The following PTPRN2 variants were observed in gnomAD, a reference collection of about 807,000 sequenced individuals.
The protein encoded by PTPRN2 is receptor-type tyrosine-protein phosphatase N2.
PTPRN2 carries 74 observed loss-of-function variants against 118.8 expected under a neutral mutation model. The ratio of observed to expected loss-of-function variants is 0.62; its 90% CI spans 0.52 to 0.76. The LOEUF is 0.76. Ranked by LOEUF, PTPRN2 falls within the 30% of genes least tolerant of loss-of-function variation. PTPRN2 has a pLI of 0.00. For synonymous variants in PTPRN2, 641 were observed against 608.0 expected (o/e 1.05, Z -0.80); for missense variants, 1,481 against 1,394.4 (o/e 1.06, Z -0.99).
chr7:158,371,835 G>GA (rs1465841406), intron 2 of PTPRN2, among the ~76,000 whole-genome samples: 1 of 152,200 alleles, frequency 6.6e-6, no homozygotes, highest in African/African-American at 2.4e-5. Flanking sequence ...TTATAAAACA[G>GA]ATAACGTGAC....
intron 5 of PTPRN2, among the ~76,000 whole-genome samples, chr7:158,189,437 C>T (rs1458968478): frequency 6.6e-6 from 1 of 152,226 alleles, no homozygotes; most frequent in Non-Finnish European, 1.5e-5. Context: ...CAGGTGACGA[C>T]TCGCTCACTG....
intron 11 of PTPRN2, among the ~76,000 whole-genome samples, chr7:158,002,207 G>A (rs934774022): frequency 5.3e-5 from 8 of 152,192 alleles, no homozygotes; most frequent in African/African-American, 1.9e-4. Context: ...GAAACACGGC[G>A]TGGTCATCAG....
intron 22 of PTPRN2, among the ~76,000 whole-genome samples, chr7:157,546,520 C>T (rs575855701): frequency 6.6e-6 from 1 of 152,208 alleles, no homozygotes; most frequent in Non-Finnish European, 1.5e-5. Flanking sequence ...TAAGTGGGAA[C>T]AGGCAGTGTT....
At chr7:158,409,121 C>A (rs1254499515) in intron 2 of PTPRN2, among the ~76,000 whole-genome samples, 11 of 152,206 alleles carry the variant, frequency 7.2e-5, no homozygotes, top group Non-Finnish European at 1.3e-4. Context: ...GAGAAGCCCC[C>A]GCAGGTAATG....
At chr7:158,504,519 G>A (rs914886581) in intron 1 of PTPRN2, among the ~76,000 whole-genome samples, 1 of 152,194 alleles carries the variant, frequency 6.6e-6, no homozygotes, top group Non-Finnish European at 1.5e-5. Flanking sequence ...CCCTGCAAAG[G>A]ACATGATCTC....
chr7:157,540,725 G>T lies in PTPRN2; in HGVS notation c.3037C>A (p.Leu1013Ile). 6.4e-7 allele frequency: 1 copy of T among 1,564,660 alleles called. No individual in the cohort carries two copies. The change falls in exon 23 of 23, where the codon CTT becomes ATT. Residue 1013 changes from leucine to isoleucine, a missense_variant. Leu to Ile is a conservative substitution (Grantham distance 5). Transcript: ENST00000389418. ...CCTGAGGCTGCCGCTCACTGGGGAA[G>T]GGCCTTGAGGATGGCGTTCACCTCC... ...AEEVNAILKA[L>I]PQ is the part of the protein sequence containing the mutation.
intron 21 of PTPRN2, among the ~76,000 whole-genome samples, chr7:157,553,778 C>T: frequency 6.6e-6 from 1 of 152,204 alleles, no homozygotes; most frequent in Non-Finnish European, 1.5e-5. Flanking sequence ...CAACTGTCTG[C>T]TGTGGACGGC....
chr7:157,919,629 C>T (rs190547421), intron 11 of PTPRN2, among the ~76,000 whole-genome samples: 1,624 of 152,204 alleles, frequency 0.011, 11 homozygotes, highest in Non-Finnish European at 0.015. Flanking sequence ...ATCATAAACT[C>T]TTAGAGGTAA....
intron 4 of PTPRN2, among the ~76,000 whole-genome samples, chr7:158,200,460 C>T (rs1826551320): frequency 6.6e-6 from 1 of 152,164 alleles, no homozygotes; most frequent in African/African-American, 2.4e-5. Flanking sequence ...TCACAGATTA[C>T]TGTTTTTGTC....
intron 11 of PTPRN2, among the ~76,000 whole-genome samples, chr7:157,919,929 T>C (rs1422116785): frequency 6.6e-6 from 1 of 152,184 alleles, no homozygotes; most frequent in African/African-American, 2.4e-5. Context: ...TATGTGCAAA[T>C]GATACACAAA....
At chr7:158,447,009 G>A (rs1219686220) in intron 2 of PTPRN2, among the ~76,000 whole-genome samples, 2 of 152,228 alleles carry the variant, frequency 1.3e-5, no homozygotes, top group South Asian at 2.1e-4. Context: ...GGTGACATAC[G>A]TGCCCAGTAA....
At chr7:157,640,582 C>A (rs753262558) in intron 14 of PTPRN2, among the ~76,000 whole-genome samples, 3 of 152,122 alleles carry the variant, frequency 2.0e-5, no homozygotes, top group Non-Finnish European at 4.4e-5. Flanking sequence ...TAAAATAAGT[C>A]CTTACCAAGA....
intron 11 of PTPRN2, among the ~76,000 whole-genome samples, chr7:157,945,615 GCGCCTCCAGCTTGGACGATGC>G (rs1248844071): frequency 1.3e-5 from 2 of 151,362 alleles, no homozygotes; most frequent in Non-Finnish European, 2.9e-5. Flanking sequence ...TCAGACAATG[GCGCCTCCAGCTTGGACGATGC>G]CGCCTCCAAG....
Position 157,603,988 on chromosome 7 carries a change from G to A in PTPRN2, c.2418+14C>T, listed in dbSNP as rs188097544. 36 of 1,612,756 alleles carry A rather than the reference G, an allele frequency of 2.2e-5. No homozygotes were observed. Among genetic ancestry groups the A allele is most frequent in the South Asian group, 1.3e-4 (12 of 91,050 alleles). ...AGGGAAAGCCTGGGGCCCCTGTCCC[G>A]GCAGTGCACTTACGATGGGGCTAGC... On this transcript the variant is annotated intron_variant, in intron 16 of 22. Coordinates refer to ENST00000389418, the MANE Select transcript of PTPRN2 (RefSeq NM_002847.5). The surrounding 1 kb of genome is among the most constrained non-coding windows in gnomAD (Gnocchi z 5.4).
intron 2 of PTPRN2, among the ~76,000 whole-genome samples, chr7:158,407,148 CTGGGT>C (rs879559909): frequency 0.013 from 1,534 of 121,374 alleles, 61 homozygotes; most frequent in Admixed American, 0.03. Context: ...GTCCTGCGTC[CTGGGT>C]CCTGGGTCCT....
chr7:158,295,158 G>A (rs577431271), intron 3 of PTPRN2, among the ~76,000 whole-genome samples: 1 of 141,578 alleles, frequency 7.1e-6, no homozygotes, highest in South Asian at 2.3e-4. Flanking sequence ...CTGCCTGTCT[G>A]CCCAGACACT....
At chr7:157,854,098 C>T (rs576217697) in intron 12 of PTPRN2, among the ~76,000 whole-genome samples, 179 of 152,316 alleles carry the variant, frequency 1.2e-3, no homozygotes, top group African/African-American at 4.2e-3. Flanking sequence ...CGGTTTGCGC[C>T]GCCCCGTCTG....
chr7:158,502,390 T>C (rs1441572614), intron 1 of PTPRN2, among the ~76,000 whole-genome samples: 2 of 152,182 alleles, frequency 1.3e-5, no homozygotes, highest in Non-Finnish European at 2.9e-5. Flanking sequence ...CAAAAGAAGG[T>C]TAGAAAACTG....
intron 12 of PTPRN2, among the ~76,000 whole-genome samples, chr7:157,849,244 G>A (rs1809095264): frequency 6.6e-6 from 1 of 152,240 alleles, no homozygotes; most frequent in African/African-American, 2.4e-5. Context: ...GAAAGCTGGA[G>A]TTCGCGGTGC....
Sources: gnomAD v4.1 joint callset for allele counts (sites outside exome capture counted in the v4.1 genomes callset) on GRCh38, gnomAD v4.1.1 for gene constraint, Gnocchi (gnomAD v3.1) non-coding constraint, MANE v1.5 for transcripts, NCBI Gene and HGNC (gene_info 2026-07-23, HGNC 2026-07-21) for gene names.